The following SYNPR variants were observed in gnomAD, a reference collection of about 807,000 sequenced individuals.
SYNPR encodes synaptoporin.
SYNPR carries 23 observed loss-of-function variants against 32.9 expected under a neutral mutation model. The observed-to-expected ratio is 0.70, with a 90% CI of 0.50 to 0.99. SYNPR has a LOEUF of 0.99. Among genes scored for constraint, SYNPR ranks in the 50% least tolerant of loss-of-function variants. The probability of loss-of-function intolerance (pLI) is 0.00; values close to 1 mark genes in which losing one functional copy is unlikely to be tolerated. For missense variants in SYNPR, 318 were observed against 349.3 expected (o/e 0.91, Z 0.71); for synonymous variants, 146 against 135.9 (o/e 1.07, Z -0.52).
At chr3:63,210,831 T>C in the SYNPR span, among the ~76,000 whole-genome samples, 2 of 151,758 alleles carry the variant, frequency 1.3e-5, no homozygotes, top group Non-Finnish European at 2.9e-5. Context: ...CTTTCCTTCC[T>C]CTCTTGTTCT....
At chr3:63,277,829 G>C (rs1332495755), upstream of SYNPR, among the ~76,000 whole-genome samples, 2 of 152,108 alleles carry the variant, frequency 1.3e-5, no homozygotes, top group Non-Finnish European at 2.9e-5. Context: ...CCTGGGGGAA[G>C]TGACAATGCT....
At chr3:63,401,737 A>T (rs916012318) in intron 2 of SYNPR, among the ~76,000 whole-genome samples, 1 of 152,192 alleles carries the variant, frequency 6.6e-6, no homozygotes, top group African/African-American at 2.4e-5. Context: ...TGTATTCTTG[A>T]TGGACATCAC....
intron 2 of SYNPR, among the ~76,000 whole-genome samples, chr3:63,328,786 T>G (rs979173470): frequency 2.0e-5 from 3 of 152,166 alleles, no homozygotes; most frequent in Non-Finnish European, 4.4e-5. Flanking sequence ...GCCACATTTA[T>G]TGGTGGCTTC....
intron 3 of SYNPR, among the ~76,000 whole-genome samples, chr3:63,267,849 T>C (rs2086503633): frequency 6.6e-6 from 1 of 152,190 alleles, no homozygotes; most frequent in Non-Finnish European, 1.5e-5. Flanking sequence ...CCTGAGGTTT[T>C]TTTCAGGAGC....
chr3:63,468,129 G>C lies in SYNPR; in HGVS notation c.85-12703G>C, dbSNP rs138642131. Among the ~76,000 whole-genome samples, 621 of 150,070 alleles carry C rather than the reference G, an allele frequency of 4.1e-3. 5 individuals carry two copies. Among genetic ancestry groups the C allele is most frequent in the African/African-American group, 0.014 (585 of 40,692 alleles). ...GAATTGCTTGAACCCAGGAGGTGGA[G>C]GTTGCAGTGAGCAGAGATGGTGCCG... On this transcript the variant is annotated intron_variant, in intron 2 of 5. Coordinates refer to ENST00000478300, the MANE Select transcript of SYNPR (RefSeq NM_001130003.2).
At chr3:63,411,753 G>C (rs1241832202) in intron 2 of SYNPR, among the ~76,000 whole-genome samples, 1 of 152,106 alleles carries the variant, frequency 6.6e-6, no homozygotes, top group Non-Finnish European at 1.5e-5. Flanking sequence ...AGGGAAGAAT[G>C]GAATAAGATC....
Position 63,512,169 on chromosome 3 carries a change from T to C in SYNPR, c.209+31213T>C, listed in dbSNP as rs529569202. Among the ~76,000 whole-genome samples, 24 of 152,242 alleles carry C rather than the reference T, an allele frequency of 1.6e-4. No individual in the cohort carries two copies. The South Asian group carries it at 4.8e-3, about 30-fold the overall frequency. ...TAATTCTGAAGTGAGGTATACTACC[T>C]TCAAGAATGGCTGGATACACAGGTC... On this transcript the variant is annotated intron_variant, in intron 3 of 5. Transcript: ENST00000478300.
chr3:63,504,546 A>G (rs1225450522), intron 3 of SYNPR, among the ~76,000 whole-genome samples: 1 of 152,146 alleles, frequency 6.6e-6, no homozygotes, highest in Non-Finnish European at 1.5e-5. Context: ...TGCAATGTGT[A>G]TTACGTTCCA....
At chr3:63,209,174 C>T in the SYNPR span, among the ~76,000 whole-genome samples, 2 of 152,016 alleles carry the variant, frequency 1.3e-5, no homozygotes, top group Admixed American at 6.6e-5. Flanking sequence ...AAAAACTAGC[C>T]GGGCGAGGTG....
At chr3:63,379,072 C>T (rs149256177) in intron 2 of SYNPR, among the ~76,000 whole-genome samples, 254 of 152,176 alleles carry the variant, frequency 1.7e-3, no homozygotes, top group Admixed American at 3.5e-3. Flanking sequence ...ATGTAGCATG[C>T]ATAAGTGTTT....
At chr3:63,418,691 C>T (rs1264893508) in intron 2 of SYNPR, among the ~76,000 whole-genome samples, 1 of 152,162 alleles carries the variant, frequency 6.6e-6, no homozygotes, top group Admixed American at 6.5e-5. Context: ...GAGAGTTTTG[C>T]AGGCAAGCTC....
chr3:63,324,188 G>A (rs973024916), intron 2 of SYNPR, among the ~76,000 whole-genome samples: 6 of 145,942 alleles, frequency 4.1e-5, no homozygotes, highest in Non-Finnish European at 8.8e-5. Context: ...CAACAGTTGT[G>A]TAAGTATTAT....
chr3:63,501,494 C>CAAAAAAAA (rs377290258), intron 3 of SYNPR, among the ~76,000 whole-genome samples: 2 of 96,732 alleles, frequency 2.1e-5, no homozygotes, highest in Non-Finnish European at 2.1e-5. Flanking sequence ...CTCCCCCAAC[C>CAAAAAAAA]AAAAAAAAAA....
At chr3:63,347,402 G>T (rs1034526098) in intron 2 of SYNPR, among the ~76,000 whole-genome samples, 2 of 152,128 alleles carry the variant, frequency 1.3e-5, no homozygotes, top group African/African-American at 4.8e-5. Flanking sequence ...ATAAAAACCT[G>T]TTTATTCTTT....
chr3:63,392,912 C>A (rs981007976), intron 2 of SYNPR, among the ~76,000 whole-genome samples: 9 of 152,114 alleles, frequency 5.9e-5, no homozygotes, highest in African/African-American at 2.2e-4. Flanking sequence ...GCCTGCCTTC[C>A]TCAGGGGCAA....
intron 2 of SYNPR, among the ~76,000 whole-genome samples, chr3:63,320,516 C>G (rs1460057033): frequency 6.6e-6 from 1 of 151,988 alleles, no homozygotes; most frequent in East Asian, 1.9e-4. Flanking sequence ...ATATTGAGAT[C>G]CAAGTACTTC....
intron 3 of SYNPR, among the ~76,000 whole-genome samples, chr3:63,537,553 G>C (rs1702231453): frequency 6.6e-6 from 1 of 152,084 alleles, no homozygotes. Context: ...TTGAGGTCTG[G>C]CACAGTGCCT....
At chr3:63,577,743 T>C (rs990917451) in intron 4 of SYNPR, among the ~76,000 whole-genome samples, 1 of 152,126 alleles carries the variant, frequency 6.6e-6, no homozygotes, top group Non-Finnish European at 1.5e-5. Context: ...TTGTAGTGCA[T>C]GGATACATTC....
intron 4 of SYNPR, among the ~76,000 whole-genome samples, chr3:63,580,189 G>C (rs998351154): frequency 2.0e-5 from 3 of 152,092 alleles, no homozygotes; most frequent in Non-Finnish European, 4.4e-5. Context: ...TCAGAGTTTT[G>C]AGAAAGTCCT....
Sources: gnomAD v4.1 joint callset for allele counts (sites outside exome capture counted in the v4.1 genomes callset) on GRCh38, gnomAD v4.1.1 for gene constraint, MANE v1.5 for transcripts, NCBI Gene and HGNC (gene_info 2026-07-23, HGNC 2026-07-21) for gene names.